The following VTI1B variants were observed in gnomAD, a reference collection of about 807,000 sequenced individuals.
The protein encoded by VTI1B is vesicle transport through interaction with t-SNAREs 1B.
Under a neutral mutation model 28.6 loss-of-function variants are expected in VTI1B, and 18 were observed. The observed-to-expected ratio is 0.63, with a 90% CI of 0.43 to 0.93. The LOEUF is 0.93. Ranked by LOEUF, VTI1B falls within the 40% of genes least tolerant of loss-of-function variation. The pLI, the probability that VTI1B is intolerant of heterozygous loss-of-function variation, is 0.00. For synonymous variants in VTI1B, 100 were observed against 107.9 expected, an observed-to-expected ratio of 0.93 and a Z score of 0.46; for missense variants, 283 against 297.0, an observed-to-expected ratio of 0.95 and a Z score of 0.35.
intron 3 of VTI1B, among the ~76,000 whole-genome samples, chr14:67,659,508 T>A: frequency 6.6e-6 from 1 of 150,812 alleles, no homozygotes. Flanking sequence ...ATATTAAGGA[T>A]AAAAAGAAAT....
chr14:67,647,294 A>T lies in VTI1B; in HGVS notation c.*4091T>A. 2.9e-6 allele frequency: 1 copy of T among 340,650 alleles called. No individual in the cohort carries two copies. The highest frequency in any genetic ancestry group is 5.3e-6 in the Non-Finnish European group (1 of 187,794). 21.1% of individuals were successfully genotyped at this position (340,650 alleles called of 1,614,324 possible). A position where few individuals can be genotyped will look rare whatever the true frequency, so the allele number is the denominator to read the frequency against. On this transcript the variant is annotated 3_prime_UTR_variant, in exon 6 of 6. Transcript: ENST00000554659. ...TTAATGCTTATCTTCTGAGATGACAAGCATTTATTGTTTCAACTGTCCCAT... is the reference window on the plus strand; with the variant it reads ...TTAATGCTTATCTTCTGAGATGACATGCATTTATTGTTTCAACTGTCCCAT...
chr14:67,659,486 T>C (rs116389756), intron 3 of VTI1B, among the ~76,000 whole-genome samples: 1,756 of 152,056 alleles, frequency 0.012, 26 homozygotes, highest in African/African-American at 0.04. Flanking sequence ...TTTTTTATTA[T>C]AAGACTGTAT....
At chr14:67,670,355 T>C (rs2037451357) in intron 1 of VTI1B, among the ~76,000 whole-genome samples, 1 of 152,116 alleles carries the variant, frequency 6.6e-6, no homozygotes. Flanking sequence ...CCCACATACA[T>C]TCTAAGCTCC....
chr14:67,666,345 A>G (rs2037402071), intron 1 of VTI1B, among the ~76,000 whole-genome samples: 1 of 152,262 alleles, frequency 6.6e-6, no homozygotes. Flanking sequence ...AAGACCACAG[A>G]ACCTCTCTCC....
At position 67,657,627 on chromosome 14, in the gene VTI1B, A is replaced by C. The variant is rs944163277; in HGVS notation, c.367-1038T>G. Among the ~76,000 whole-genome samples, 77 of 139,048 alleles carry C rather than the reference A, an allele frequency of 5.5e-4. 1 individual carries two copies. The East Asian group carries it at 0.013, about 24-fold the overall frequency. The allele number at this position is 139,048 out of a possible 152,430, so 91.2% of individuals were successfully genotyped here. The stretch of plus-strand genomic sequence containing the variant: ...ACACACACACACACACACACACCCA[A>C]AATCAAAAGGGACCCAGCTCACAGA... On this transcript the variant is annotated intron_variant, in intron 3 of 5. Coordinates refer to ENST00000554659, the MANE Select transcript of VTI1B (RefSeq NM_006370.3).
chr14:67,658,533 C>A (rs1008698280), intron 3 of VTI1B, among the ~76,000 whole-genome samples: 6 of 152,094 alleles, frequency 3.9e-5, no homozygotes, highest in Non-Finnish European at 5.9e-5. Context: ...GGAGGTGGAG[C>A]TTGCAGTGAG....
intron 1 of VTI1B, chr14:67,663,231 C>T (rs1566815455): frequency 1.7e-5 from 23 of 1,344,464 alleles, no homozygotes; most frequent in Non-Finnish European, 2.0e-5. Context: ...TCAAAACAAA[C>T]ATCTAACTAA....
At chr14:67,662,982 A>G in intron 1 of VTI1B, 1 of 1,383,056 alleles carries the variant, frequency 7.2e-7, no homozygotes, top group Non-Finnish European at 9.3e-7. Flanking sequence ...AACCACTTCT[A>G]TGTTAACTCG....
At chr14:67,659,350 GT>G (rs1284811620) in intron 3 of VTI1B, among the ~76,000 whole-genome samples, 6 of 152,112 alleles carry the variant, frequency 3.9e-5, no homozygotes, top group Non-Finnish European at 8.8e-5. Context: ...ACCTGAGAAA[GT>G]GATTCTAAAA....
intron 1 of VTI1B, among the ~76,000 whole-genome samples, chr14:67,667,802 G>T (rs1415352003): frequency 2.0e-5 from 3 of 152,072 alleles, no homozygotes; most frequent in Admixed American, 2.0e-4. Context: ...AACTTAGCCC[G>T]GCGTGGTGGT....
chr14:67,674,374 C>T lies in VTI1B; in HGVS notation c.115+1G>A. The T allele has an allele frequency of 6.3e-7, 1 of 1,591,588 alleles. No homozygotes were observed. Among genetic ancestry groups the T allele is most frequent in the Non-Finnish European group, 8.5e-7 (1 of 1,171,232 alleles). Reference sequence around the variant, plus strand: ...CACGGCGTGGCCCACCCCCGCCTCACCGGTCCCCGCCGTCCCCAGCAGCCG... The same window carrying T: ...CACGGCGTGGCCCACCCCCGCCTCATCGGTCCCCGCCGTCCCCAGCAGCCG... On this transcript the variant is annotated splice_donor_variant, in intron 1 of 5. Transcript: ENST00000554659. LOFTEE classifies it high-confidence loss of function.
chr14:67,664,774 C>T (rs759494989), intron 1 of VTI1B, among the ~76,000 whole-genome samples: 2 of 152,192 alleles, frequency 1.3e-5, no homozygotes, highest in African/African-American at 2.4e-5. Context: ...CAAAAGAGAA[C>T]AGATGAGCCG....
Position 67,647,936 on chromosome 14 carries a change from C to T in VTI1B, c.*3449G>A. On this transcript the variant is annotated 3_prime_UTR_variant, in exon 6 of 6. Transcript: ENST00000554659. ...TATTAACAGCTTTATTAACAAAGTA[C>T]TAGGACTAATAGCAACAAAATCAAG... The T allele has an allele frequency of 9.4e-7, 1 of 1,059,106 alleles. No individual in the cohort carries two copies. Among genetic ancestry groups the T allele is most frequent in the Non-Finnish European group, 1.4e-6 (1 of 736,934 alleles). 65.6% of individuals were successfully genotyped at this position (1,059,106 alleles called of 1,614,324 possible).
chr14:67,668,155 AAGACATATGGAGAGATGTCTTC>A (rs2037424606), intron 1 of VTI1B, among the ~76,000 whole-genome samples: 2 of 152,212 alleles, frequency 1.3e-5, no homozygotes, highest in African/African-American at 4.8e-5. Context: ...GATACACGTT[AAGACATATGGAGAGATGTCTTC>A]AGGTATGACA....
chr14:67,672,496 A>G (rs1028330990), intron 1 of VTI1B, among the ~76,000 whole-genome samples: 3 of 125,764 alleles, frequency 2.4e-5, no homozygotes, highest in Non-Finnish European at 4.8e-5. Context: ...CCCAGGCTGG[A>G]GTTCAGTGGC....
intron 1 of VTI1B, among the ~76,000 whole-genome samples, chr14:67,674,027 G>C (rs552292133): frequency 8.5e-5 from 13 of 152,268 alleles, no homozygotes; most frequent in African/African-American, 3.1e-4. Flanking sequence ...CCTGTCTTGA[G>C]ACTAGTGCTT....
intron 2 of VTI1B, among the ~76,000 whole-genome samples, chr14:67,660,628 A>C (rs2037322832): frequency 6.6e-6 from 1 of 152,188 alleles, no homozygotes; most frequent in African/African-American, 2.4e-5. Context: ...TCTCCATGTC[A>C]GAGAGAACAG....
chr14:67,648,176 C>A lies in VTI1B; in HGVS notation c.*3209G>T. On this transcript the variant is annotated 3_prime_UTR_variant, in exon 6 of 6. Coordinates refer to ENST00000554659, the MANE Select transcript of VTI1B (RefSeq NM_006370.3). Reference sequence around the variant, plus strand: ...GCATGTATATTGCTGAGGAAATACACAATACAGGTATGTAGCAACCAGGTC... The same window carrying A: ...GCATGTATATTGCTGAGGAAATACAAAATACAGGTATGTAGCAACCAGGTC... The A allele has an allele frequency of 6.2e-7, 1 of 1,613,696 alleles. No individual in the cohort carries two copies. The highest frequency in any genetic ancestry group is 8.5e-7 in the Non-Finnish European group (1 of 1,179,770).
At position 67,659,935 on chromosome 14, in the gene VTI1B, A is replaced by C. The variant is rs750035655; in HGVS notation, c.175-13T>G. 17 of 1,611,026 alleles carry C rather than the reference A, an allele frequency of 1.1e-5. No individual in the cohort carries two copies. Among genetic ancestry groups the C allele is most frequent in the Middle Eastern group, 1.6e-4 (1 of 6,074 alleles). The stretch of plus-strand genomic sequence containing the variant: ...CCATCTCTGCCAGCTGGGAAGGCAG[A>C]AAGTAGTGAGCAGATAGCCTGGTTC... On this transcript the variant is annotated splice_polypyrimidine_tract_variant and intron_variant, in intron 2 of 5. Coordinates refer to ENST00000554659, the MANE Select transcript of VTI1B (RefSeq NM_006370.3).
Sources: gnomAD v4.1 joint callset for allele counts (sites outside exome capture counted in the v4.1 genomes callset) on GRCh38, gnomAD v4.1.1 for gene constraint, MANE v1.5 for transcripts, NCBI Gene and HGNC (gene_info 2026-07-23, HGNC 2026-07-21) for gene names.